Variants in KCTD16 observed in about 807,000 individuals in gnomAD.
KCTD16 encodes BTB/POZ domain-containing protein KCTD16.
Under a neutral mutation model 33.2 loss-of-function variants are expected in KCTD16, and 13 were observed. That is an observed-to-expected ratio of 0.39 (90% CI 0.25 to 0.62). The LOEUF is 0.62. Among genes scored for constraint, KCTD16 ranks in the 20% least tolerant of loss-of-function variants. The pLI is 0.50. For missense variants in KCTD16, 441 were observed against 525.1 expected, an observed-to-expected ratio of 0.84 and a Z score of 1.57; for synonymous variants, 197 against 195.3, an observed-to-expected ratio of 1.01 and a Z score of -0.07.
intron 3 of KCTD16, among the ~76,000 whole-genome samples, chr5:144,324,051 G>A (rs1752142219): frequency 6.6e-6 from 1 of 152,264 alleles, no homozygotes; most frequent in African/African-American, 2.4e-5. Context: ...AATTCTGTGT[G>A]CCTTTTGTTT....
Position 144,317,689 on chromosome 5 carries a change from C to G in KCTD16, c.832+110143C>G, listed in dbSNP as rs145479176. On this transcript the variant is annotated intron_variant, in intron 3 of 3. Transcript: ENST00000512467. ...TCCTATCCTACTAAGAAAATCCCTT[C>G]AAATCCTTGGTTGGGTCTCCTTCTT... Among the ~76,000 whole-genome samples, 37 of 152,326 alleles carry G rather than the reference C, an allele frequency of 2.4e-4. No homozygotes were observed. In the East Asian group the frequency reaches 6.2e-3, roughly 25 times the overall value.
chr5:144,327,597 G>T (rs2126888667), intron 3 of KCTD16, among the ~76,000 whole-genome samples: 1 of 152,004 alleles, frequency 6.6e-6, no homozygotes, highest in Non-Finnish European at 1.5e-5. Flanking sequence ...ACAGTTTCTT[G>T]TGTTTCTTTC....
At position 144,419,481 on chromosome 5, in the gene KCTD16, G is replaced by T. The variant is rs1027690873; in HGVS notation, c.833-54179G>T. Among the ~76,000 whole-genome samples the T allele has an allele frequency of 8.5e-5, 13 of 152,226 alleles. No individual in the cohort carries two copies. The East Asian group carries it at 9.7e-4, about 11-fold the overall frequency. On this transcript the variant is annotated intron_variant, in intron 3 of 3. Transcript: ENST00000512467. ...CTTGTCAACTCAATCATATTTCTCT[G>T]TGTATGTTTAATGTGAATGGGATGG... is the stretch of plus-strand genomic sequence containing the variant.
intron 3 of KCTD16, among the ~76,000 whole-genome samples, chr5:144,394,034 T>C (rs1401605483): frequency 6.7e-6 from 1 of 148,566 alleles, no homozygotes; most frequent in Non-Finnish European, 1.5e-5. Flanking sequence ...CAAATAAGCC[T>C]CTCTCTCTGG....
intron 3 of KCTD16, among the ~76,000 whole-genome samples, chr5:144,390,140 T>G (rs1752416103): frequency 6.6e-6 from 1 of 152,248 alleles, no homozygotes; most frequent in Non-Finnish European, 1.5e-5. Context: ...TTTATGTGGA[T>G]GTGAACAGAA....
At chr5:144,186,523 T>G (rs551758354) in intron 2 of KCTD16, among the ~76,000 whole-genome samples, 1 of 152,284 alleles carries the variant, frequency 6.6e-6, no homozygotes, top group South Asian at 2.1e-4. Flanking sequence ...TATTCTAGAT[T>G]TGTAGTTTTA....
chr5:144,443,543 T>A (rs192116052), intron 3 of KCTD16, among the ~76,000 whole-genome samples: 1 of 152,188 alleles, frequency 6.6e-6, no homozygotes, highest in East Asian at 1.9e-4. Context: ...CTTAATAGTA[T>A]AGTATATATA....
At chr5:144,261,730 G>C (rs1015362512) in intron 3 of KCTD16, among the ~76,000 whole-genome samples, 4 of 152,160 alleles carry the variant, frequency 2.6e-5, no homozygotes, top group African/African-American at 9.7e-5. Flanking sequence ...AGTGCCACTG[G>C]AGGGACAATT....
intron 3 of KCTD16, among the ~76,000 whole-genome samples, chr5:144,335,877 T>A (rs185686786): frequency 3.3e-5 from 5 of 152,020 alleles, no homozygotes; most frequent in Non-Finnish European, 7.4e-5. Flanking sequence ...GCTGAGAAAA[T>A]GGAGTTGTAG....
In KCTD16 at chr5:144,342,699, G is replaced by A. The variant is rs958214222; in HGVS notation, c.833-130961G>A. ...TTTCCAGTTTTTGCCCATTCAGTAC[G>A]ATATTGGCTGTGGGTTTGTCATAAA... On this transcript the variant is annotated intron_variant, in intron 3 of 3. Coordinates refer to ENST00000512467, the MANE Select transcript of KCTD16 (RefSeq NM_020768.4). 2.0e-5 allele frequency among the ~76,000 whole-genome samples: 3 copies of A among 152,230 alleles called. No individual in the cohort carries two copies. The South Asian group carries it at 6.2e-4, about 32-fold the overall frequency.
At chr5:144,356,879 ATTTTC>A (rs1452907294) in intron 3 of KCTD16, among the ~76,000 whole-genome samples, 2 of 148,954 alleles carry the variant, frequency 1.3e-5, no homozygotes, top group East Asian at 2.0e-4. Flanking sequence ...TCTTGTCTTC[ATTTTC>A]TTTTCTTTAT....
chr5:144,220,220 T>C (rs1753699716), intron 3 of KCTD16, among the ~76,000 whole-genome samples: 1 of 152,154 alleles, frequency 6.6e-6, no homozygotes, highest in Non-Finnish European at 1.5e-5. Context: ...CTTCAGTGGG[T>C]TTTCCTTGAA....
At chr5:144,368,210 C>T (rs1416818865) in intron 3 of KCTD16, among the ~76,000 whole-genome samples, 1 of 152,046 alleles carries the variant, frequency 6.6e-6, no homozygotes, top group Admixed American at 6.6e-5. Context: ...AAATATGTTA[C>T]ATTACATGAC....
At chr5:144,440,994 G>T (rs1248941890) in intron 3 of KCTD16, among the ~76,000 whole-genome samples, 1 of 151,286 alleles carries the variant, frequency 6.6e-6, no homozygotes, top group African/African-American at 2.4e-5. Flanking sequence ...GCGGTGTTTG[G>T]TTTTTTGTCC....
intron 3 of KCTD16, among the ~76,000 whole-genome samples, chr5:144,280,299 C>T (rs969669477): frequency 2.0e-5 from 3 of 151,814 alleles, no homozygotes; most frequent in African/African-American, 4.8e-5. Context: ...ACCATCTGGG[C>T]CTGGAGTTTT....
chr5:144,354,444 G>T (rs550369817), intron 3 of KCTD16, among the ~76,000 whole-genome samples: 46 of 152,086 alleles, frequency 3.0e-4, no homozygotes, highest in Non-Finnish European at 5.7e-4. Flanking sequence ...TACCCCTGGG[G>T]TTCACCCCTA....
Position 144,476,854 on chromosome 5 carries a change from G to C in KCTD16, c.*2740G>C, listed in dbSNP as rs1222357104. 6.6e-6 allele frequency: 1 copy of C among 152,076 alleles called. No individual in the cohort carries two copies. Among genetic ancestry groups the C allele is most frequent in the African/African-American group, 2.4e-5 (1 of 41,422 alleles). 9.4% of individuals were successfully genotyped at this position (152,076 alleles called of 1,614,324 possible). ...GGCATGTTTCCCTGAAGTTAAAATA[G>C]TTTTTAGAACTTTTTGTTTAATTCT... On this transcript the variant is annotated 3_prime_UTR_variant, in exon 4 of 4. Transcript: ENST00000512467.
intron 3 of KCTD16, among the ~76,000 whole-genome samples, chr5:144,225,559 T>C (rs1430472348): frequency 9.3e-6 from 1 of 107,602 alleles, no homozygotes; most frequent in Non-Finnish European, 2.2e-5. Flanking sequence ...AAATTGTGTG[T>C]GTGTGTGTGT....
At chr5:144,468,004 C>T (rs1754386113) in intron 3 of KCTD16, among the ~76,000 whole-genome samples, 1 of 152,120 alleles carries the variant, frequency 6.6e-6, no homozygotes, top group African/African-American at 2.4e-5. Context: ...TCCTTGCTTG[C>T]CCCTTGCTCC....
Sources: gnomAD v4.1 joint callset for allele counts (sites outside exome capture counted in the v4.1 genomes callset) on GRCh38, gnomAD v4.1.1 for gene constraint, MANE v1.5 for transcripts, NCBI Gene and HGNC (gene_info 2026-07-23, HGNC 2026-07-21) for gene names.